The following ZCCHC7 variants were observed in gnomAD, a reference collection of about 807,000 sequenced individuals.
ZCCHC7 encodes the protein zinc finger CCHC domain-containing protein 7.
In ZCCHC7, 35 loss-of-function variants were observed where a neutral mutation model predicts 52.0. The observed-to-expected ratio is 0.67, with a 90% CI of 0.51 to 0.89. The LOEUF is 0.89. Among genes scored for constraint, ZCCHC7 ranks in the 40% least tolerant of loss-of-function variants. The probability of loss-of-function intolerance (pLI) is 0.00; values close to 1 mark genes in which losing one functional copy is unlikely to be tolerated. For missense variants in ZCCHC7, 574 were observed against 649.1 expected (o/e 0.88, Z 1.26); for synonymous variants, 217 against 221.5 (o/e 0.98, Z 0.18).
At chr9:37,337,611 G>A (rs947191074) in intron 6 of ZCCHC7, among the ~76,000 whole-genome samples, 1 of 152,086 alleles carries the variant, frequency 6.6e-6, no homozygotes, top group African/African-American at 2.4e-5. Context: ...GGTTTTATCG[G>A]CTGGTCTGAA....
intron 2 of ZCCHC7, among the ~76,000 whole-genome samples, chr9:37,170,623 C>T (rs899567867): frequency 4.6e-5 from 7 of 152,132 alleles, no homozygotes; most frequent in African/African-American, 1.7e-4. Flanking sequence ...GCCAATGAAA[C>T]CAAATGGTCT....
rs565507737 is a variant in ZCCHC7, at chr9:37,245,913, G to A, written c.611-56275G>A. Among the ~76,000 whole-genome samples the A allele has an allele frequency of 1.1e-4, 16 of 152,150 alleles. No homozygotes were observed. The South Asian group carries it at 2.7e-3, about 26-fold the overall frequency. On this transcript the variant is annotated intron_variant, in intron 2 of 8. Transcript: ENST00000336755. ...CTGGACCATAGGTTTTAAAGGTAAT[G>A]GAGAATAGTGAGACATTAGTCTGGA...
At chr9:37,285,856 G>A (rs1828183636) in intron 2 of ZCCHC7, among the ~76,000 whole-genome samples, 1 of 152,154 alleles carries the variant, frequency 6.6e-6, no homozygotes, top group Non-Finnish European at 1.5e-5. Flanking sequence ...AGAGGAAGAT[G>A]GAACTGGTTC....
chr9:37,175,801 C>T (rs1285833831), intron 2 of ZCCHC7, among the ~76,000 whole-genome samples: 1 of 152,098 alleles, frequency 6.6e-6, no homozygotes, highest in Non-Finnish European at 1.5e-5. Flanking sequence ...ATGATTTTGT[C>T]TCTTTTATTA....
intron 2 of ZCCHC7, among the ~76,000 whole-genome samples, chr9:37,132,115 G>A (rs898978329): frequency 2.6e-5 from 4 of 152,082 alleles, no homozygotes; most frequent in Non-Finnish European, 5.9e-5. Context: ...CCCAGCAGGA[G>A]TGACTTGTAA....
chr9:37,238,221 T>TTAGTGACTTTCTTA (rs368659113), intron 2 of ZCCHC7, among the ~76,000 whole-genome samples: 11 of 152,188 alleles, frequency 7.2e-5, no homozygotes, highest in African/African-American at 2.7e-4. Context: ...ACCAGATTTA[T>TTAGTGACTTTCTTA]TAGTGACTTT....
intron 2 of ZCCHC7, among the ~76,000 whole-genome samples, chr9:37,267,419 G>T (rs1319406407): frequency 6.6e-6 from 1 of 152,010 alleles, no homozygotes; most frequent in Non-Finnish European, 1.5e-5. Context: ...CAGGGGAGAA[G>T]AACAGGGCCT....
chr9:37,333,298 A>G (rs1185717537), intron 6 of ZCCHC7, among the ~76,000 whole-genome samples: 2 of 151,678 alleles, frequency 1.3e-5, no homozygotes, highest in Non-Finnish European at 1.5e-5. Flanking sequence ...AATATCTTTA[A>G]TGACCTACTC....
chr9:37,138,990 G>A (rs1489171509), intron 2 of ZCCHC7, among the ~76,000 whole-genome samples: 1 of 151,886 alleles, frequency 6.6e-6, no homozygotes. Flanking sequence ...ATAGAATGGA[G>A]AACATTTAAT....
intron 2 of ZCCHC7, among the ~76,000 whole-genome samples, chr9:37,167,294 G>T (rs1460254184): frequency 6.7e-6 from 1 of 150,090 alleles, no homozygotes; most frequent in Non-Finnish European, 1.5e-5. Flanking sequence ...TTAGAGATGG[G>T]ATCTTGCTTT....
chr9:37,213,674 A>G (rs1824357617), intron 2 of ZCCHC7, among the ~76,000 whole-genome samples: 1 of 152,306 alleles, frequency 6.6e-6, no homozygotes, highest in Admixed American at 6.5e-5. Context: ...CATGAATTCT[A>G]ATCCTACTTG....
At chr9:37,132,266 A>G (rs1202345078) in intron 2 of ZCCHC7, among the ~76,000 whole-genome samples, 1 of 152,220 alleles carries the variant, frequency 6.6e-6, no homozygotes, top group African/African-American at 2.4e-5. Flanking sequence ...ACATGTGACA[A>G]TAAAGCCATA....
chr9:37,234,254 A>G (rs952792825), intron 2 of ZCCHC7, among the ~76,000 whole-genome samples: 1 of 152,228 alleles, frequency 6.6e-6, no homozygotes, highest in East Asian at 1.9e-4. Context: ...AGGTCCAAGC[A>G]TTAACACTAG....
intron 6 of ZCCHC7, among the ~76,000 whole-genome samples, chr9:37,338,754 C>T (rs1333196385): frequency 6.6e-6 from 1 of 151,978 alleles, no homozygotes; most frequent in Admixed American, 6.6e-5. Flanking sequence ...TTCACGACCT[C>T]GACTAATTAC....
intron 2 of ZCCHC7, among the ~76,000 whole-genome samples, chr9:37,193,828 C>T (rs1458093314): frequency 2.0e-5 from 3 of 152,190 alleles, no homozygotes; most frequent in African/African-American, 7.2e-5. Flanking sequence ...TCAGGAATTT[C>T]TTTCTCCCTC....
chr9:37,255,619 T>C (rs67144625), intron 2 of ZCCHC7, among the ~76,000 whole-genome samples: 1 of 152,026 alleles, frequency 6.6e-6, no homozygotes, highest in Non-Finnish European at 1.5e-5. Flanking sequence ...GCTACTGTAT[T>C]TTAATATTTG....
At chr9:37,136,218 C>G (rs568566525) in intron 2 of ZCCHC7, among the ~76,000 whole-genome samples, 1 of 152,014 alleles carries the variant, frequency 6.6e-6, no homozygotes, top group Non-Finnish European at 1.5e-5. Context: ...CCAACTTTGA[C>G]TTTGGGTAAC....
intron 2 of ZCCHC7, among the ~76,000 whole-genome samples, chr9:37,290,345 G>A (rs1030774853): frequency 6.6e-6 from 1 of 151,778 alleles, no homozygotes; most frequent in African/African-American, 2.4e-5. Flanking sequence ...TTTTTATTTT[G>A]AGTGTTTCTA....
At chr9:37,324,163 G>A (rs947900074) in intron 5 of ZCCHC7, among the ~76,000 whole-genome samples, 2 of 152,092 alleles carry the variant, frequency 1.3e-5, no homozygotes, top group Non-Finnish European at 2.9e-5. Flanking sequence ...ACTTGAGGGG[G>A]CCATCTCCTA....
Sources: allele counts gnomAD v4.1 joint callset (sites outside exome capture counted in the v4.1 genomes callset), GRCh38; gene constraint gnomAD v4.1.1; transcripts MANE v1.5; gene names NCBI Gene and HGNC (gene_info 2026-07-23, HGNC 2026-07-21).